The following CSTF2T variants were observed in gnomAD, a reference collection of about 807,000 sequenced individuals.
CSTF2T encodes the protein cleavage stimulation factor subunit 2 tau variant.
Under a neutral mutation model 39.9 loss-of-function variants are expected in CSTF2T, and 18 were observed. The observed-to-expected ratio is 0.45, with a 90% CI of 0.31 to 0.67. CSTF2T has a LOEUF of 0.67. CSTF2T is among the 30% of genes least tolerant of loss of function. CSTF2T has a pLI of 0.06. For synonymous variants in CSTF2T, 291 were observed against 276.4 expected (o/e 1.05, Z -0.52); for missense variants, 681 against 789.0 (o/e 0.86, Z 1.64).
Position 51,699,181 on chromosome 10 carries a change from A to T in CSTF2T, c.369T>A (p.Asp123Glu). 1 of 1,614,158 alleles carries T rather than the reference A, an allele frequency of 6.2e-7. No homozygotes were observed. The highest frequency in any genetic ancestry group is 8.5e-7 in the Non-Finnish European group (1 of 1,180,014). ...SPYGDPIDPE[D>E]APESITRAVA... ...CTGCTCTGGTAATCGATTCAGGGGC[A>T]TCTTCTGGATCGATGGGATCCCCAT... Residue 123 changes from aspartate to glutamate, a missense_variant, in exon 1 of 1, where the codon GAT (aspartate) becomes GAA (glutamate). By Grantham distance (45) the Asp-to-Glu change is conservative (BLOSUM62 2). Around this residue, in one of 4 missense-constraint regions of CSTF2T, gnomAD observed 329 missense variants for 344.1 expected, o/e 0.96. Coordinates refer to ENST00000331173, the MANE Select transcript of CSTF2T (RefSeq NM_015235.3).
Position 51,696,221 on chromosome 10 carries a change from T to G in CSTF2T, c.*1478A>C, listed in dbSNP as rs1254912058. Reference sequence around the variant, plus strand: ...GATGATTAATGATAGAAAAGTAGATTATGAAATAAGAAAACTAAAAGGCAT... The same window carrying G: ...GATGATTAATGATAGAAAAGTAGATGATGAAATAAGAAAACTAAAAGGCAT... On this transcript the variant is annotated 3_prime_UTR_variant, in exon 1 of 1. Coordinates refer to ENST00000331173, the MANE Select transcript of CSTF2T (RefSeq NM_015235.3). 1 of 151,752 alleles carries G rather than the reference T, an allele frequency of 6.6e-6. No individual in the cohort carries two copies. The highest frequency in any genetic ancestry group is 1.5e-5 in the Non-Finnish European group (1 of 68,014). 9.4% of individuals were successfully genotyped at this position (151,752 alleles called of 1,614,324 possible). A position where few individuals can be genotyped will look rare whatever the true frequency, so the allele number is the denominator to read the frequency against.
In CSTF2T at chr10:51,696,367, T is replaced by C. The variant is rs541802881; in HGVS notation, c.*1332A>G. On this transcript the variant is annotated 3_prime_UTR_variant, in exon 1 of 1. Coordinates refer to ENST00000331173, the MANE Select transcript of CSTF2T (RefSeq NM_015235.3). ...ACTTAGTGAAACCTTCCACTACTTA[T>C]GAAAAGTCAAATATCATGTATAACT... The C allele has an allele frequency of 1.3e-5, 2 of 152,160 alleles. No individual in the cohort carries two copies. The highest frequency in any genetic ancestry group is 1.9e-4 in the East Asian group (1 of 5,160). The allele number at this position is 152,160 out of a possible 1,614,324, so 9.4% of individuals were successfully genotyped here.
In CSTF2T at chr10:51,698,954, G is replaced by A; in HGVS notation, c.596C>T (p.Pro199Leu). 6.2e-7 allele frequency: 1 copy of A among 1,614,238 alleles called. No homozygotes were observed. The highest frequency in any genetic ancestry group is 8.5e-7 in the Non-Finnish European group (1 of 1,180,046). The change falls in exon 1 of 1, where the codon CCA becomes CTA. Residue 199 changes from proline to leucine, a missense_variant. Transcript: ENST00000331173. The stretch of plus-strand genomic sequence containing the variant: ...AGACTGAGATTTGCCTGGGATCAGT[G>A]GTGTGACATGTATCTTCCGATGCAG... ...KILHRKIHVT[P>L]LIPGKSQSVS...
chr10:51,698,588 G>T lies in CSTF2T; in HGVS notation c.962C>A (p.Pro321His). 1 of 1,613,868 alleles carries T rather than the reference G, an allele frequency of 6.2e-7. No individual in the cohort carries two copies. Residue 321 changes from proline (P) to histidine (H), a missense_variant, in exon 1 of 1, where the codon CCT becomes CAT. Physicochemically the swap from Pro to His is moderately conservative, Grantham distance 77. Transcript: ENST00000331173. ...RAPIPRGPVT[P>H]GGLPPRGLLG... ...CAGTCCTCGAGGAGGCAGACCACCA[G>T]GAGTCACGGGTCCGCGAGGTATAGG...
chr10:51,699,149 C>T lies in CSTF2T; in HGVS notation c.401G>A (p.Ser134Asn). 1 of 1,614,204 alleles carries T rather than the reference C, an allele frequency of 6.2e-7. No homozygotes were observed. The highest frequency in any genetic ancestry group is 8.5e-7 in the Non-Finnish European group (1 of 1,180,030). ...APESITRAVA[S>N]LPPEQMFELM... ...CTCAAACATCTGCTCCGGGGGGAGA[C>T]TGGCTACTGCTCTGGTAATCGATTC... The change falls in exon 1 of 1, where the codon AGT (serine) becomes AAT (asparagine). Residue 134 changes from serine (S) to asparagine (N), a missense_variant. This residue lies in a region of CSTF2T where 329 missense variants were observed against 344.1 expected (regional missense o/e 0.96). Coordinates refer to ENST00000331173, the MANE Select transcript of CSTF2T (RefSeq NM_015235.3).
In CSTF2T at chr10:51,697,318, T is replaced by C. The variant is rs1476642188; in HGVS notation, c.*381A>G. ...AAATCTTAAAACTATCTTAGTACAT[T>C]AACGTTTTAACAGGTCAACTTTTAG... On this transcript the variant is annotated 3_prime_UTR_variant, in exon 1 of 1. Transcript: ENST00000331173. The C allele has an allele frequency of 5.5e-6, 1 of 181,260 alleles. No homozygotes were observed. The highest frequency in any genetic ancestry group is 1.1e-5 in the Non-Finnish European group (1 of 87,158). The allele number at this position is 181,260 out of a possible 1,614,324, so 11.2% of individuals were successfully genotyped here.
Position 51,697,322 on chromosome 10 carries a change from G to A in CSTF2T, c.*377C>T, listed in dbSNP as rs1841321718. 2 of 184,296 alleles carry A rather than the reference G, an allele frequency of 1.1e-5. No homozygotes were observed. The highest frequency in any genetic ancestry group is 5.7e-5 in the Admixed American group (1 of 17,694). 11.4% of individuals were successfully genotyped at this position (184,296 alleles called of 1,614,324 possible). On this transcript the variant is annotated 3_prime_UTR_variant, in exon 1 of 1. Coordinates refer to ENST00000331173, the MANE Select transcript of CSTF2T (RefSeq NM_015235.3). ...CTTAAAACTATCTTAGTACATTAAC[G>A]TTTTAACAGGTCAACTTTTAGTCTT...
rs1488471782 is a variant in CSTF2T at position 51,698,243 on chromosome 10, C to T, written c.1307G>A (p.Arg436Lys). 1 of 1,614,194 alleles carries T rather than the reference C, an allele frequency of 6.2e-7. No individual in the cohort carries two copies. The highest frequency in any genetic ancestry group is 1.7e-5 in the Admixed American group (1 of 60,032). The change falls in exon 1 of 1, where the codon AGA becomes AAA. Residue 436 changes from arginine to lysine, a missense_variant. Arg to Lys is a conservative substitution (Grantham distance 26). Transcript: ENST00000331173. ...TTCCATCGCACAGGTCTCCATTCCT[C>T]TCCTCTCCATTACACGTGTCTCTAA... is the stretch of plus-strand genomic sequence containing the variant. ...EVLETRVMERRGMETCAMETR... is the reference protein window; with the variant it reads ...EVLETRVMERKGMETCAMETR...
rs908353345 is a variant in CSTF2T, at chr10:51,697,107, C to T, written c.*592G>A. The T allele has an allele frequency of 3.3e-5, 5 of 152,154 alleles. No individual in the cohort carries two copies. Among genetic ancestry groups the T allele is most frequent in the African/African-American group, 1.2e-4 (5 of 41,412 alleles). 9.4% of individuals were successfully genotyped at this position (152,154 alleles called of 1,614,324 possible). On this transcript the variant is annotated 3_prime_UTR_variant, in exon 1 of 1. Coordinates refer to ENST00000331173, the MANE Select transcript of CSTF2T (RefSeq NM_015235.3). ...CTCCTTGATTTTTCAGGTAACATAA[C>T]TTTAGAAAAAAACAATTCTAATACA...
rs565720902 is a variant in CSTF2T, at chr10:51,699,105, G to C, written c.445C>G (p.Leu149Val). ...TCCTGGTGGCTGTTTTGGACACAGA[G>C]CTTCATCTGCTTCATCAGCTCAAAC... The part of the protein sequence containing the change: ...QMFELMKQMK[L>V]CVQNSHQEAR... Residue 149 changes from leucine to valine, a missense_variant, in exon 1 of 1, where the codon CTC becomes GTC. Coordinates refer to ENST00000331173, the MANE Select transcript of CSTF2T (RefSeq NM_015235.3). The C allele has an allele frequency of 1.5e-4, 248 of 1,614,210 alleles. 1 individual carries two copies. In the South Asian group the frequency reaches 2.5e-3, roughly 16 times the overall value.
rs763921013 is a variant in CSTF2T at position 51,698,823 on chromosome 10, C to T, written c.727G>A (p.Ala243Thr). Residue 243 changes from alanine to threonine, a missense_variant, in exon 1 of 1, where the codon GCT (alanine) becomes ACT (threonine). Coordinates refer to ENST00000331173, the MANE Select transcript of CSTF2T (RefSeq NM_015235.3). Reference sequence around the variant, plus strand: ...GGAATGTCCTTCACAGGTCTTCTAGCCAAATGCTGAGGCTGAGGAGCTGGA... The same window carrying T: ...GGAATGTCCTTCACAGGTCTTCTAGTCAAATGCTGAGGCTGAGGAGCTGGA... ...NPPAPQPQHLARRPVKDIPPL... is the reference protein window; with the variant it reads ...NPPAPQPQHLTRRPVKDIPPL... 2.0e-5 allele frequency: 32 copies of T among 1,614,166 alleles called. No homozygotes were observed. The Admixed American group carries it at 5.3e-4, about 27-fold the overall frequency.
rs375755078 is a variant in CSTF2T at position 51,697,470 on chromosome 10, GTTATT to G, written c.*224_*228del. The G allele has an allele frequency of 4.6e-4, 251 of 548,160 alleles. 1 individual carries two copies. In the East Asian group the frequency reaches 6.0e-3, roughly 13 times the overall value. The allele number at this position is 548,160 out of a possible 1,614,324, so 34.0% of individuals were successfully genotyped here. On this transcript the variant is annotated 3_prime_UTR_variant, in exon 1 of 1. Coordinates refer to ENST00000331173, the MANE Select transcript of CSTF2T (RefSeq NM_015235.3). Reference sequence around the variant, plus strand: ...TTGGCATAATATAATCATGTTCAGAGTTATTTTAAAGTAACTTAAAGTGAACAGAC... The same window carrying G: ...TTGGCATAATATAATCATGTTCAGAGTTAAAGTAACTTAAAGTGAACAGAC...
In CSTF2T at chr10:51,698,865, G is replaced by A. The variant is rs1841382900; in HGVS notation, c.685C>T (p.Leu229=). The A allele has an allele frequency of 6.2e-7, 1 of 1,614,176 alleles. No individual in the cohort carries two copies. Among genetic ancestry groups the A allele is most frequent in the South Asian group, 1.1e-5 (1 of 91,084 alleles). The part of the protein sequence containing the change: ...PGLCPGPNVL[L]NQQNPPAPQP... ...GGAGCTGGAGGATTCTGCTGGTTCA[G>A]CAGAACATTAGGTCCTGGGCAGAGC... Residue 229 remains leucine, a synonymous_variant, in exon 1 of 1, where the codon CTG becomes TTG. Transcript: ENST00000331173.
At position 51,698,283 on chromosome 10, in the gene CSTF2T, T is replaced by C. The variant is rs369368999; in HGVS notation, c.1267A>G (p.Met423Val). Residue 423 changes from methionine (M) to valine (V), a missense_variant, in exon 1 of 1, where the codon ATG becomes GTG. Met to Val is a conservative substitution (Grantham distance 21, BLOSUM62 1). Around this residue, in one of 4 missense-constraint regions of CSTF2T, gnomAD observed 282 missense variants for 289.2 expected, o/e 0.98. Coordinates refer to ENST00000331173, the MANE Select transcript of CSTF2T (RefSeq NM_015235.3). ...RDSRAMETRA[M>V]ETEVLETRVM... ...CGTGTCTCTAAGACCTCAGTTTCCA[T>C]GGCACGAGTCTCCATCGCTCGAGAA... 4.3e-6 allele frequency: 7 copies of C among 1,614,014 alleles called. No individual in the cohort carries two copies. Among genetic ancestry groups the C allele is most frequent in the Middle Eastern group, 3.3e-4 (2 of 6,084 alleles).
At position 51,698,248 on chromosome 10, in the gene CSTF2T, C is replaced by T; in HGVS notation, c.1302G>A (p.Glu434=). 2.5e-6 allele frequency: 4 copies of T among 1,614,196 alleles called. No individual in the cohort carries two copies. Among genetic ancestry groups the T allele is most frequent in the Non-Finnish European group, 3.4e-6 (4 of 1,180,040 alleles). The change falls in exon 1 of 1, where the codon GAG becomes GAA. Residue 434 remains glutamate, a synonymous_variant. Transcript: ENST00000331173. ...ETEVLETRVM[E]RRGMETCAME... The stretch of plus-strand genomic sequence containing the variant: ...TCGCACAGGTCTCCATTCCTCTCCT[C>T]TCCATTACACGTGTCTCTAAGACCT...
In CSTF2T at chr10:51,695,583, A is replaced by G. The variant is rs1841267793; in HGVS notation, c.*2116T>C. ...TTTTCAGTTACAGCCCTTCAGTGAA[A>G]GCTTTGAGATAAAGCAACTAGAATC... On this transcript the variant is annotated 3_prime_UTR_variant, in exon 1 of 1. Coordinates refer to ENST00000331173, the MANE Select transcript of CSTF2T (RefSeq NM_015235.3). 6.6e-6 allele frequency: 1 copy of G among 152,202 alleles called. No homozygotes were observed. The highest frequency in any genetic ancestry group is 6.5e-5 in the Admixed American group (1 of 15,282). 9.4% of individuals were successfully genotyped at this position (152,202 alleles called of 1,614,324 possible). A position where few individuals can be genotyped will look rare whatever the true frequency, so the allele number is the denominator to read the frequency against.
chr10:51,698,153 C>A lies in CSTF2T; in HGVS notation c.1397G>T (p.Ser466Ile). Residue 466 changes from serine (S) to isoleucine (I), a missense_variant, in exon 1 of 1, where the codon AGT becomes ATT. By Grantham distance (142) the Ser-to-Ile change is moderately radical. Coordinates refer to ENST00000331173, the MANE Select transcript of CSTF2T (RefSeq NM_015235.3). ...TCCACCAGTCATAGGGCCTCTTGAA[C>A]TGGGGACAGGGCCCCTCATCTCCAA... ...RGLEMRGPVP[S>I]SRGPMTGGIQ... The A allele has an allele frequency of 1.2e-6, 2 of 1,614,174 alleles. No homozygotes were observed. Among genetic ancestry groups the A allele is most frequent in the Non-Finnish European group, 1.7e-6 (2 of 1,180,024 alleles).
chr10:51,698,126 A>C lies in CSTF2T; in HGVS notation c.1424T>G (p.Ile475Ser), dbSNP rs1280926790. The change falls in exon 1 of 1, where the codon ATT becomes AGT. Residue 475 changes from isoleucine (I) to serine (S), a missense_variant. Ile to Ser is a moderately radical substitution (Grantham distance 142). This residue lies in a region of CSTF2T where 282 missense variants were observed against 289.2 expected (regional missense o/e 0.98). Transcript: ENST00000331173. Reference sequence around the variant, plus strand: ...TATATTAATGGGACCAGGACCCTGAATTCCACCAGTCATAGGGCCTCTTGA... The same window carrying C: ...TATATTAATGGGACCAGGACCCTGACTTCCACCAGTCATAGGGCCTCTTGA... ...PSSRGPMTGG[I>S]QGPGPINIGA... 6.2e-7 allele frequency: 1 copy of C among 1,613,894 alleles called. No individual in the cohort carries two copies. Among genetic ancestry groups the C allele is most frequent in the South Asian group, 1.1e-5 (1 of 91,088 alleles).
chr10:51,699,415 GA>G lies in CSTF2T; in HGVS notation c.134del (p.Phe45SerfsTer57). The G allele has an allele frequency of 6.2e-7, 1 of 1,613,998 alleles. No homozygotes were observed. The highest frequency in any genetic ancestry group is 8.5e-7 in the Non-Finnish European group (1 of 1,180,016). On this transcript the variant is annotated frameshift_variant, in exon 1 of 1. Transcript: ENST00000331173. LOFTEE classifies it high-confidence loss of function. ...IFSEVGSVVS[F>X]RLVYDRETGK... ...CCGTCTCTCTATCGTATACCAGCCG[GA>G]AACTGACAACAGAACCAACCTCCGA...
Sources: gnomAD v4.1 joint callset for allele counts on GRCh38, gnomAD v4.1.1 for gene constraint, gnomAD v4.1.1 regional missense constraint, MANE v1.5 for transcripts, NCBI Gene and HGNC (gene_info 2026-07-23, HGNC 2026-07-21) for gene names.